Variants in MAP3K4 observed in about 807,000 individuals in gnomAD.
MAP3K4 encodes the protein mitogen-activated protein kinase kinase kinase 4.
In MAP3K4, 67 loss-of-function variants were observed where a neutral mutation model predicts 185.6. That is an observed-to-expected ratio of 0.36 (90% CI 0.30 to 0.44). The LOEUF (loss-of-function observed/expected upper bound fraction) is 0.44. Ranked by LOEUF, MAP3K4 falls within the 20% of genes least tolerant of loss-of-function variation. The pLI, the probability that MAP3K4 is intolerant of heterozygous loss-of-function variation, is 1.00. For missense variants in MAP3K4, 1,551 were observed against 1,995.1 expected (o/e 0.78, Z 4.24); for synonymous variants, 702 against 710.4 (o/e 0.99, Z 0.19).
Position 160,991,967 on chromosome 6 carries a change from C to G in MAP3K4, c.36C>G (p.Pro12=). The G allele has an allele frequency of 6.5e-7, 1 of 1,547,024 alleles. No individual in the cohort carries two copies. Among genetic ancestry groups the G allele is most frequent in the Non-Finnish European group, 8.7e-7 (1 of 1,153,926 alleles). ...REAAAALVPP[P]AFAVTPAAAM... is the part of the protein sequence containing the mutation. The stretch of plus-strand genomic sequence containing the variant: ...CCGCTGCCGCGCTGGTCCCTCCTCC[C>G]GCCTTTGCCGTCACGCCTGCCGCCG... The change falls in exon 1 of 27, where the codon CCC becomes CCG. Residue 12 remains proline (P), a synonymous_variant. Coordinates refer to ENST00000392142, the MANE Select transcript of MAP3K4 (RefSeq NM_005922.4). This position sits in a 1 kb window ranked among gnomAD's most constrained non-coding sequence, Gnocchi z 5.7.
At chr6:160,999,049 T>A (rs186935671) in intron 1 of MAP3K4, among the ~76,000 whole-genome samples, 3 of 152,238 alleles carry the variant, frequency 2.0e-5, no homozygotes, top group Non-Finnish European at 4.4e-5. Context: ...CTATTAAGAA[T>A]ATATTAGGCA....
intron 1 of MAP3K4, among the ~76,000 whole-genome samples, chr6:161,027,123 A>G (rs1304236151): frequency 2.0e-5 from 3 of 152,164 alleles, no homozygotes; most frequent in African/African-American, 7.2e-5. Context: ...ACCTGGTCCT[A>G]TTCATTTCTT....
Position 161,034,584 on chromosome 6 carries a change from A to G in MAP3K4, c.343+135A>G. On this transcript the variant is annotated intron_variant, in intron 2 of 26. Coordinates refer to ENST00000392142, the MANE Select transcript of MAP3K4 (RefSeq NM_005922.4). The surrounding 1 kb of genome is among the most constrained non-coding windows in gnomAD (Gnocchi z 4.4). ...CCTGTAAAGTTCAATTTTTTTTTGA[A>G]TTATTACCATTAGTATTAATAAAAT... The G allele has an allele frequency of 1.5e-6, 1 of 647,612 alleles. No homozygotes were observed. The highest frequency in any genetic ancestry group is 2.6e-6 in the Non-Finnish European group (1 of 391,184). 40.1% of individuals were successfully genotyped at this position (647,612 alleles called of 1,614,324 possible). A position where few individuals can be genotyped will look rare whatever the true frequency, so the allele number is the denominator to read the frequency against.
In MAP3K4 at chr6:161,087,609, C is replaced by T. The variant is rs1785797355; in HGVS notation, c.2557-79C>T. 3 of 1,487,530 alleles carry T rather than the reference C, an allele frequency of 2.0e-6. No homozygotes were observed. The highest frequency in any genetic ancestry group is 2.8e-6 in the Non-Finnish European group (3 of 1,081,712). 92.1% of individuals were successfully genotyped at this position (1,487,530 alleles called of 1,614,324 possible). ...CTTTCCCTTTCCCAAACCTGCCTCTCCTTTCCTAGGTTTGTTTTAAATAAC... is the reference window on the plus strand; with the variant it reads ...CTTTCCCTTTCCCAAACCTGCCTCTTCTTTCCTAGGTTTGTTTTAAATAAC... On this transcript the variant is annotated intron_variant, in intron 9 of 26. Coordinates refer to ENST00000392142, the MANE Select transcript of MAP3K4 (RefSeq NM_005922.4). This position sits in a 1 kb window ranked among gnomAD's most constrained non-coding sequence, Gnocchi z 4.9.
chr6:161,089,596 C>G (rs1421564411), intron 11 of MAP3K4, 125 bp downstream of exon 11: 3 of 890,986 alleles, frequency 3.4e-6, no homozygotes, highest in Non-Finnish European at 5.1e-6. Flanking sequence ...CCACTCACCT[C>G]TCTTCCCAAT....
intron 1 of MAP3K4, 169 bp downstream of exon 1, chr6:160,992,252 C>A: frequency 1.1e-6 from 1 of 920,078 alleles, no homozygotes; most frequent in Non-Finnish European, 1.5e-6. Flanking sequence ...CAGGGGACCG[C>A]GTCTGAGTCT....
At chr6:161,016,390 C>T (rs532428271) in intron 1 of MAP3K4, among the ~76,000 whole-genome samples, 39 of 152,080 alleles carry the variant, frequency 2.6e-4, no homozygotes, top group African/African-American at 9.4e-4. Flanking sequence ...TTTTGTTGTT[C>T]GTGCTTTTGT....
Position 161,091,253 on chromosome 6 carries a change from A to G in MAP3K4, c.2974-126A>G. The G allele has an allele frequency of 3.1e-6, 2 of 651,042 alleles. No individual in the cohort carries two copies. Among genetic ancestry groups the G allele is most frequent in the Admixed American group, 5.7e-5 (2 of 35,060 alleles). 40.3% of individuals were successfully genotyped at this position (651,042 alleles called of 1,614,324 possible). On this transcript the variant is annotated intron_variant, in intron 11 of 26. Coordinates refer to ENST00000392142, the MANE Select transcript of MAP3K4 (RefSeq NM_005922.4). This position sits in a 1 kb window ranked among gnomAD's most constrained non-coding sequence, Gnocchi z 5.5. Reference sequence around the variant, plus strand: ...TTCTTCTATATTTGGTAATTCCTTTACCAAGTGGCTGAATTGTTTGTAGTG... The same window carrying G: ...TTCTTCTATATTTGGTAATTCCTTTGCCAAGTGGCTGAATTGTTTGTAGTG...
rs558911168 is a variant in MAP3K4 at position 161,007,114 on chromosome 6, T to C, written c.152+15031T>C. 2.0e-5 allele frequency among the ~76,000 whole-genome samples: 3 copies of C among 152,330 alleles called. No homozygotes were observed. Among genetic ancestry groups the C allele is most frequent in the South Asian group, 2.1e-4 (1 of 4,828 alleles). On this transcript the variant is annotated intron_variant, in intron 1 of 26. Transcript: ENST00000392142. The surrounding 1 kb of genome is among the most constrained non-coding windows in gnomAD (Gnocchi z 4.5). ...AGCGCAGGACCAGGAATTGTACTCA[T>C]TGTTGTGTCCCCAGGTCACAGACCA...
intron 1 of MAP3K4, among the ~76,000 whole-genome samples, chr6:161,000,610 C>G (rs909778521): frequency 6.6e-6 from 1 of 152,118 alleles, no homozygotes. Context: ...TGATCTTTCT[C>G]TGAAACAGTA....
At chr6:161,010,196 A>G (rs1781781527) in intron 1 of MAP3K4, among the ~76,000 whole-genome samples, 1 of 152,160 alleles carries the variant, frequency 6.6e-6, no homozygotes, top group African/African-American at 2.4e-5. Flanking sequence ...TAGGTATTCC[A>G]TTTATCCCCG....
At position 160,992,096 on chromosome 6, in the gene MAP3K4, G is replaced by A. The variant is rs374317318; in HGVS notation, c.152+13G>A. 472 of 1,543,122 alleles carry A rather than the reference G, an allele frequency of 3.1e-4. 1 individual carries two copies. The African/African-American group carries it at 6.1e-3, about 20-fold the overall frequency. On this transcript the variant is annotated intron_variant, in intron 1 of 26. Coordinates refer to ENST00000392142, the MANE Select transcript of MAP3K4 (RefSeq NM_005922.4). Reference sequence around the variant, plus strand: ...GCTTGGCGGCGAGGTGAGTGTGGCGGCCGCAGTCGGTCGCTCGCAGAAAGC... The same window carrying A: ...GCTTGGCGGCGAGGTGAGTGTGGCGACCGCAGTCGGTCGCTCGCAGAAAGC...
Position 161,093,005 on chromosome 6 carries a change from A to G in MAP3K4, c.3297A>G (p.Leu1099=), listed in dbSNP as rs1230377853. Reference sequence around the variant, plus strand: ...GGGCGACTCAAGGATTTGATTTTCTACAAGCAATTGAACCTGCCTTTATTT... The same window carrying G: ...GGGCGACTCAAGGATTTGATTTTCTGCAAGCAATTGAACCTGCCTTTATTT... ...PRWATQGFDF[L]QAIEPAFISA... is the part of the protein sequence containing the mutation. The change falls in exon 14 of 27, where the codon CTA becomes CTG. Residue 1099 remains leucine (L), a synonymous_variant. Transcript: ENST00000392142. The surrounding 1 kb of genome is among the most constrained non-coding windows in gnomAD (Gnocchi z 5.2). 1.2e-5 allele frequency: 20 copies of G among 1,613,552 alleles called. No individual in the cohort carries two copies. The highest frequency in any genetic ancestry group is 1.3e-5 in the African/African-American group (1 of 74,906).
At chr6:161,089,554 A>G in intron 11 of MAP3K4, 83 bp downstream of exon 11, 1 of 1,467,908 alleles carries the variant, frequency 6.8e-7, no homozygotes, top group Non-Finnish European at 9.2e-7. Context: ...AGGTAATATC[A>G]TCCAAGGAAC....
intron 19 of MAP3K4, among the ~76,000 whole-genome samples, chr6:161,104,456 G>C (rs1777972245): frequency 6.7e-6 from 1 of 149,850 alleles, no homozygotes; most frequent in South Asian, 2.1e-4. Flanking sequence ...GCTCACACCT[G>C]TAATCCCAGC....
chr6:161,070,710 C>T lies in MAP3K4; in HGVS notation c.1810C>T (p.Leu604=). 2 of 1,614,128 alleles carry T rather than the reference C, an allele frequency of 1.2e-6. No homozygotes were observed. Among genetic ancestry groups the T allele is most frequent in the Non-Finnish European group, 1.7e-6 (2 of 1,180,018 alleles). The part of the protein sequence containing the change: ...EKCSAVSWEE[L]KAMDLPSFEP... ...ATGCAGTGCTGTGTCGTGGGAGGAG[C>T]TGAAGGCCATGGATTTACCTTCATT... The change falls in exon 4 of 27, where the codon CTG becomes TTG. Residue 604 remains leucine (L), a synonymous_variant. Transcript: ENST00000392142. This position sits in a 1 kb window ranked among gnomAD's most constrained non-coding sequence, Gnocchi z 4.5.
At position 161,099,878 on chromosome 6, in the gene MAP3K4, T is replaced by C. The variant is rs569936270; in HGVS notation, c.3674+1451T>C. 2.0e-5 allele frequency among the ~76,000 whole-genome samples: 3 copies of C among 152,372 alleles called. No homozygotes were observed. The South Asian group carries it at 6.2e-4, about 32-fold the overall frequency. The stretch of plus-strand genomic sequence containing the variant: ...TACCCTTTTCATGGAGTTTAGTCTT[T>C]GCAGAAGCAGTTTTTCAGCATTTCA... On this transcript the variant is annotated intron_variant, in intron 17 of 26. Transcript: ENST00000392142.
chr6:161,081,528 C>T (rs1235292692), intron 6 of MAP3K4, among the ~76,000 whole-genome samples: 7 of 152,238 alleles, frequency 4.6e-5, no homozygotes, highest in African/African-American at 1.7e-4. Context: ...TTTACTGCCA[C>T]TGTTTGGGGA....
At chr6:161,102,302 G>A (rs1385967661) in intron 18 of MAP3K4, among the ~76,000 whole-genome samples, 1 of 152,182 alleles carries the variant, frequency 6.6e-6, no homozygotes, top group Non-Finnish European at 1.5e-5. Flanking sequence ...AAATACAAAA[G>A]TGACACTGTG....
Sources: gnomAD v4.1 joint callset for allele counts (sites outside exome capture counted in the v4.1 genomes callset) on GRCh38, gnomAD v4.1.1 for gene constraint, Gnocchi (gnomAD v3.1) non-coding constraint, MANE v1.5 for transcripts, NCBI Gene and HGNC (gene_info 2026-07-23, HGNC 2026-07-21) for gene names.